KIF21B: variants seen among roughly 807,000 people sequenced by gnomAD.
KIF21B encodes the protein kinesin family member 21B, also known as kinesin-like protein KIF21B.
KIF21B carries 85 observed loss-of-function variants against 192.9 expected under a neutral mutation model. The ratio of observed to expected loss-of-function variants is 0.44; its 90% CI spans 0.37 to 0.53. The LOEUF (loss-of-function observed/expected upper bound fraction) is 0.53. Ranked by LOEUF, KIF21B falls within the 20% of genes least tolerant of loss-of-function variation. The pLI is 0.00. For synonymous variants in KIF21B, 832 were observed against 884.6 expected (o/e 0.94, Z 1.05); for missense variants, 1,716 against 2,194.8 (o/e 0.78, Z 4.36).
intron 33 of KIF21B, 76 bp from the exon 34 acceptor site, chr1:200,974,989 A>G (rs1161735917): frequency 1.4e-6 from 2 of 1,455,724 alleles, no homozygotes; most frequent in Non-Finnish European, 1.9e-6. Flanking sequence ...CCCTCTTGCT[A>G]GTAGTGGAGC....
chr1:201,002,942 C>G (rs1038954959), intron 8 of KIF21B: 3 of 155,932 alleles, frequency 1.9e-5, no homozygotes, highest in Non-Finnish European at 4.3e-5. Flanking sequence ...GGGCCATGGG[C>G]TACCAATTGG....
rs869174734 is a variant in KIF21B, at chr1:200,982,559, G to GCCCCCATGGTGCCCCTC, written c.3842+480_3842+496dup. On this transcript the variant is annotated intron_variant, in intron 28 of 34. Coordinates refer to ENST00000461742, the MANE Select transcript of KIF21B (RefSeq NM_001252102.2). This position sits in a 1 kb window ranked among gnomAD's most constrained non-coding sequence, Gnocchi z 4.7. ...CTAACAGGTGTGGGCAAGGGGCGCT[G>GCCCCCATGGTGCCCCTC]CCCCCATGGTGCCCCTCCCCCCATG... Among the ~76,000 whole-genome samples the GCCCCCATGGTGCCCCTC allele has an allele frequency of 2.8e-4, 43 of 152,236 alleles. No homozygotes were observed. The highest frequency in any genetic ancestry group is 7.7e-4 in the African/African-American group (32 of 41,554).
chr1:200,993,328 T>C (rs2102417828), intron 15 of KIF21B, among the ~76,000 whole-genome samples: 1 of 152,312 alleles, frequency 6.6e-6, no homozygotes, highest in South Asian at 2.1e-4. Flanking sequence ...CTGGTCACCT[T>C]GGGCAAGTTC....
At position 201,017,442 on chromosome 1, in the gene KIF21B, C is replaced by T. The variant is rs879735661; in HGVS notation, c.41+5901G>A. On this transcript the variant is annotated intron_variant, in intron 1 of 34. Transcript: ENST00000461742. The surrounding 1 kb of genome is among the most constrained non-coding windows in gnomAD (Gnocchi z 4.1). Reference sequence around the variant, plus strand: ...GAAGTACTGCTCAGCTGTGCTGCAGCGCCACTCTCCCTGTCCCACCCCCAT... The same window carrying T: ...GAAGTACTGCTCAGCTGTGCTGCAGTGCCACTCTCCCTGTCCCACCCCCAT... 4.6e-5 allele frequency among the ~76,000 whole-genome samples: 7 copies of T among 152,166 alleles called. No individual in the cohort carries two copies. Among genetic ancestry groups the T allele is most frequent in the Non-Finnish European group, 7.4e-5 (5 of 68,006 alleles).
At chr1:200,985,020 A>G (rs1353124298) in intron 26 of KIF21B, 48 bp from the exon 27 acceptor site, 6 of 1,356,896 alleles carry the variant, frequency 4.4e-6, no homozygotes, top group Non-Finnish European at 6.2e-6. Context: ...ACCCCTGCCC[A>G]CAGGCCCCTA....
rs1260036523 is a variant in KIF21B, at chr1:201,017,612, A to G, written c.41+5731T>C. On this transcript the variant is annotated intron_variant, in intron 1 of 34. Transcript: ENST00000461742. The surrounding 1 kb of genome is among the most constrained non-coding windows in gnomAD (Gnocchi z 4.1). ...GGCCAGTGGGGACTGGGCCCTGGGG[A>G]TGCTCCCCTGCTGAGGAATGCAGAG... Among the ~76,000 whole-genome samples, 1 of 152,146 alleles carries G rather than the reference A, an allele frequency of 6.6e-6. No individual in the cohort carries two copies. Among genetic ancestry groups the G allele is most frequent in the Non-Finnish European group, 1.5e-5 (1 of 68,014 alleles).
At chr1:200,979,311 G>A (rs1436496853) in intron 30 of KIF21B, among the ~76,000 whole-genome samples, 1 of 152,188 alleles carries the variant, frequency 6.6e-6, no homozygotes, top group Non-Finnish European at 1.5e-5. Flanking sequence ...TGGAGGCCAG[G>A]CAGGCCAAAA....
Position 200,979,668 on chromosome 1 carries a change from C to A in KIF21B, c.4027G>T (p.Ala1343Ser). The change falls in exon 30 of 35, where the codon GCT becomes TCT. Residue 1343 changes from alanine (A) to serine (S), a missense_variant. By Grantham distance (99) the Ala-to-Ser change is moderately conservative. Coordinates refer to ENST00000461742, the MANE Select transcript of KIF21B (RefSeq NM_001252102.2). Reference sequence around the variant, plus strand: ...ACGTTGTTGGGGTGGCCCTTTAGAGCTGCGATCTCCTGTCCCGTAACCAAG... The same window carrying A: ...ACGTTGTTGGGGTGGCCCTTTAGAGATGCGATCTCCTGTCCCGTAACCAAG... ...WNLVTGQEIAALKGHPNNVVS... is the reference protein window; with the variant it reads ...WNLVTGQEIASLKGHPNNVVS... The A allele has an allele frequency of 6.3e-7, 1 of 1,579,074 alleles. No homozygotes were observed.
intron 9 of KIF21B, among the ~76,000 whole-genome samples, chr1:201,001,006 C>T (rs1290247950): frequency 1.3e-5 from 2 of 151,748 alleles, no homozygotes; most frequent in African/African-American, 4.9e-5. Context: ...ACTCGGGACG[C>T]TGAGGCAGGA....
chr1:200,990,891 G>C lies in KIF21B; in HGVS notation c.2687+26C>G. ...ATTCCCACCCCCTCTGCCTGCACAG[G>C]CCAGGGGACTGCCAGTCCACCTTAC... On this transcript the variant is annotated intron_variant, in intron 18 of 34. Coordinates refer to ENST00000461742, the MANE Select transcript of KIF21B (RefSeq NM_001252102.2). The surrounding 1 kb of genome is among the most constrained non-coding windows in gnomAD (Gnocchi z 5.4). The C allele has an allele frequency of 6.2e-7, 1 of 1,611,954 alleles. No homozygotes were observed. The highest frequency in any genetic ancestry group is 1.7e-4 in the Middle Eastern group (1 of 6,052).
rs868507612 is a variant in KIF21B at position 200,981,085 on chromosome 1, G to A, written c.3854C>T (p.Ser1285Phe). 1 of 1,592,492 alleles carries A rather than the reference G, an allele frequency of 6.3e-7. No homozygotes were observed. Among genetic ancestry groups the A allele is most frequent in the East Asian group, 2.3e-5 (1 of 43,838 alleles). ...TGCACCCTTGGCTCCTCCAACCGGGGAGATGATGCCCCTTCCCGGGAGAGA... is the reference window on the plus strand; with the variant it reads ...TGCACCCTTGGCTCCTCCAACCGGGAAGATGATGCCCCTTCCCGGGAGAGA... ...SLSEVLRGII[S>F]PVGGAKGART... The change falls in exon 29 of 35, where the codon TCC becomes TTC. Residue 1285 changes from serine to phenylalanine, a missense_variant. This residue lies in a region of KIF21B where 580 missense variants were observed against 775.5 expected (regional missense o/e 0.75). Transcript: ENST00000461742.
intron 1 of KIF21B, among the ~76,000 whole-genome samples, chr1:201,015,431 T>C (rs1571972387): frequency 6.6e-6 from 1 of 152,258 alleles, no homozygotes; most frequent in Non-Finnish European, 1.5e-5. Flanking sequence ...TTTTCTGCTA[T>C]AAGACCCCTG....
At chr1:201,016,536 C>T (rs957818500) in intron 1 of KIF21B, among the ~76,000 whole-genome samples, 4 of 152,234 alleles carry the variant, frequency 2.6e-5, no homozygotes, top group Non-Finnish European at 4.4e-5. Context: ...TCCCTGCTCT[C>T]AGGGGAGTCT....
chr1:201,010,144 A>G (rs1658147012), intron 1 of KIF21B, among the ~76,000 whole-genome samples: 1 of 152,098 alleles, frequency 6.6e-6, no homozygotes, highest in African/African-American at 2.4e-5. Flanking sequence ...CCCCTCCCTG[A>G]CGCCAGACCA....
At position 200,990,358 on chromosome 1, in the gene KIF21B, T is replaced by C. The variant is rs745648547; in HGVS notation, c.2836-26A>G. 6 of 1,580,154 alleles carry C rather than the reference T, an allele frequency of 3.8e-6. No homozygotes were observed. Among genetic ancestry groups the C allele is most frequent in the Admixed American group, 1.8e-5 (1 of 55,926 alleles). ...CTGGGGTCAGAGGGGAGGGTGGTGA[T>C]TGTGATGAAGGAGAGGCCTCAGGTA... On this transcript the variant is annotated intron_variant, in intron 19 of 34. Transcript: ENST00000461742. The surrounding 1 kb of genome is among the most constrained non-coding windows in gnomAD (Gnocchi z 5.4).
chr1:201,022,661 C>T (rs571377002), intron 1 of KIF21B, among the ~76,000 whole-genome samples: 1 of 152,314 alleles, frequency 6.6e-6, no homozygotes, highest in Admixed American at 6.5e-5. Flanking sequence ...CTCCCCTGCT[C>T]AATTTTATCT....
chr1:200,987,044 C>A lies in KIF21B; in HGVS notation c.3566G>T (p.Arg1189Leu). Reference sequence around the variant, plus strand: ...ACTGACGGTGCGCGAGACCCTGTCCCGGTAATAGGGGTCTCGGACAGAGAA... The same window carrying A: ...ACTGACGGTGCGCGAGACCCTGTCCAGGTAATAGGGGTCTCGGACAGAGAA... ...VGFSVRDPYY[R>L]DRVSRTVSLP... Residue 1189 changes from arginine (R) to leucine (L), a missense_variant, in exon 25 of 35, where the codon CGG becomes CTG. This residue lies in a region of KIF21B where 580 missense variants were observed against 775.5 expected (regional missense o/e 0.75). Transcript: ENST00000461742. The A allele has an allele frequency of 1.2e-6, 2 of 1,613,966 alleles. No homozygotes were observed. The highest frequency in any genetic ancestry group is 1.7e-6 in the Non-Finnish European group (2 of 1,179,988).
chr1:200,985,889 A>G (rs1320113382), intron 26 of KIF21B, among the ~76,000 whole-genome samples: 2 of 144,406 alleles, frequency 1.4e-5, no homozygotes. Flanking sequence ...ACTGTCACCC[A>G]GGCTGGACTG....
chr1:200,993,870 G>C (rs1026616511), intron 15 of KIF21B, among the ~76,000 whole-genome samples: 2 of 152,208 alleles, frequency 1.3e-5, no homozygotes, highest in South Asian at 2.1e-4. Flanking sequence ...GGGCAGGCAG[G>C]CTCTGTTGGG....
Sources: gnomAD v4.1 joint callset for allele counts (sites outside exome capture counted in the v4.1 genomes callset) on GRCh38, gnomAD v4.1.1 for gene constraint, gnomAD v4.1.1 regional missense constraint, Gnocchi (gnomAD v3.1) non-coding constraint, MANE v1.5 for transcripts, NCBI Gene and HGNC (gene_info 2026-07-23, HGNC 2026-07-21) for gene names.